Variants in NR5A2 observed in about 807,000 individuals in gnomAD.
NR5A2 encodes the protein nuclear receptor subfamily 5 group A member 2.
In NR5A2, 26 loss-of-function variants were observed where a neutral mutation model predicts 62.7. The ratio of observed to expected loss-of-function variants is 0.41; its 90% confidence interval spans 0.30 to 0.58. The LOEUF is 0.58. NR5A2 is among the 20% of genes least tolerant of loss of function. The probability of loss-of-function intolerance (pLI) is 0.22; values close to 1 mark genes in which losing one functional copy is unlikely to be tolerated. For synonymous variants in NR5A2, 246 were observed against 241.7 expected, an observed-to-expected ratio of 1.02 and a Z score of -0.16; for missense variants, 541 against 669.1, an observed-to-expected ratio of 0.81 and a Z score of 2.11.
Position 200,062,257 on chromosome 1 carries a change from G to GTGTGTGTGTA in NR5A2, c.1110+13440_1110+13441insGTGTGTGTAT, listed in dbSNP as rs1490926111. Among the ~76,000 whole-genome samples, 5 of 151,608 alleles carry GTGTGTGTGTA rather than the reference G, an allele frequency of 3.3e-5. No homozygotes were observed. In the East Asian group the frequency reaches 5.9e-4, roughly 18 times the overall value. ...TGTGTGTGTGTGTGTGTGTGTGTGT[G>GTGTGTGTGTA]TATCTGTGTCCATGTGTGTATCGCA... On this transcript the variant is annotated intron_variant, in intron 5 of 7. Transcript: ENST00000367362.
At chr1:200,078,332 G>A in intron 5 of NR5A2, among the ~76,000 whole-genome samples, 1 of 152,154 alleles carries the variant, frequency 6.6e-6, no homozygotes, top group East Asian at 1.9e-4. Flanking sequence ...GAACAGGAAA[G>A]GAATGAACTA....
At chr1:200,108,284 C>A (rs1665787741) in intron 5 of NR5A2, among the ~76,000 whole-genome samples, 2 of 151,614 alleles carry the variant, frequency 1.3e-5, no homozygotes, top group African/African-American at 4.9e-5. Flanking sequence ...CCCTATGTTG[C>A]CCAGTCTGGT....
chr1:200,165,348 T>C (rs756174911), intron 7 of NR5A2, among the ~76,000 whole-genome samples: 17 of 152,136 alleles, frequency 1.1e-4, no homozygotes, highest in Admixed American at 2.0e-4. Flanking sequence ...TGACACATCC[T>C]CATCACCCAA....
intron 5 of NR5A2, among the ~76,000 whole-genome samples, chr1:200,070,126 AG>A (rs1197558859): frequency 1.3e-5 from 2 of 152,156 alleles, no homozygotes; most frequent in East Asian, 3.9e-4. Flanking sequence ...GCAGGGTAGT[AG>A]TTTTGTATAC....
At chr1:200,043,234 T>C (rs1229458825) in intron 2 of NR5A2, among the ~76,000 whole-genome samples, 1 of 152,238 alleles carries the variant, frequency 6.6e-6, no homozygotes, top group Non-Finnish European at 1.5e-5. Context: ...TCAGGCTGTT[T>C]AGTTAAAGTG....
At chr1:200,097,279 C>T (rs995372766) in intron 5 of NR5A2, among the ~76,000 whole-genome samples, 1 of 152,100 alleles carries the variant, frequency 6.6e-6, no homozygotes, top group Non-Finnish European at 1.5e-5. Context: ...TTTATTGCCA[C>T]TCCTCCTCTC....
At position 200,048,010 on chromosome 1, in the gene NR5A2, AGAG is replaced by A. The variant is rs1662452725; in HGVS notation, c.464-159_464-157del. ...CTTGGAGGAAGGAATTCATAAATAAAGAGGACATGGTTTTTTGGGAAATCTTTG... is the reference window on the plus strand; with the variant it reads ...CTTGGAGGAAGGAATTCATAAATAAAGACATGGTTTTTTGGGAAATCTTTG... On this transcript the variant is annotated intron_variant, in intron 4 of 7. Coordinates refer to ENST00000367362, the MANE Select transcript of NR5A2 (RefSeq NM_205860.3). This position sits in a 1 kb window ranked among gnomAD's most constrained non-coding sequence, Gnocchi z 4.8. Among the ~76,000 whole-genome samples, 1 of 152,240 alleles carries A rather than the reference AGAG, an allele frequency of 6.6e-6. No homozygotes were observed. The highest frequency in any genetic ancestry group is 2.1e-4 in the South Asian group (1 of 4,830).
At chr1:200,135,723 A>G (rs548965848) in intron 7 of NR5A2, among the ~76,000 whole-genome samples, 1 of 152,204 alleles carries the variant, frequency 6.6e-6, no homozygotes, top group South Asian at 2.1e-4. Flanking sequence ...AATAATAATG[A>G]TCTACCTGAA....
At chr1:200,159,112 A>G (rs1653519009) in intron 7 of NR5A2, among the ~76,000 whole-genome samples, 1 of 151,908 alleles carries the variant, frequency 6.6e-6, no homozygotes, top group Non-Finnish European at 1.5e-5. Flanking sequence ...ACTGGTCTCC[A>G]ACTCCTGGCC....
At chr1:200,035,332 G>A (rs1661728584) in intron 1 of NR5A2, among the ~76,000 whole-genome samples, 1 of 152,116 alleles carries the variant, frequency 6.6e-6, no homozygotes, top group Non-Finnish European at 1.5e-5. Context: ...AGTTTGGGTG[G>A]GTCATCTACC....
intron 5 of NR5A2, among the ~76,000 whole-genome samples, chr1:200,074,467 G>A (rs1663911383): frequency 6.6e-6 from 1 of 151,608 alleles, no homozygotes; most frequent in African/African-American, 2.4e-5. Context: ...GCCGGGTGCG[G>A]TGGGTCACGT....
At chr1:200,053,569 G>GCGCA (rs374944913) in intron 5 of NR5A2, among the ~76,000 whole-genome samples, 6,027 of 142,070 alleles carry the variant, frequency 0.042, 164 homozygotes, top group East Asian at 0.12. Context: ...GCATGCACAC[G>GCGCA]CACACACACA....
chr1:200,094,342 A>C (rs1664968002), intron 5 of NR5A2, among the ~76,000 whole-genome samples: 1 of 150,470 alleles, frequency 6.6e-6, no homozygotes, highest in Non-Finnish European at 1.5e-5. Flanking sequence ...GGGCTACCAC[A>C]CCTGCCTGAT....
At chr1:200,040,895 C>T (rs1441196977) in intron 2 of NR5A2, among the ~76,000 whole-genome samples, 1 of 152,220 alleles carries the variant, frequency 6.6e-6, no homozygotes, top group Non-Finnish European at 1.5e-5. Context: ...GGGTTGTGAT[C>T]CGTTACCCCA....
chr1:200,071,483 T>C (rs1287779982), intron 5 of NR5A2, among the ~76,000 whole-genome samples: 1 of 152,212 alleles, frequency 6.6e-6, no homozygotes, highest in African/African-American at 2.4e-5. Flanking sequence ...CCAAAATCTG[T>C]TGTTTCATTA....
intron 7 of NR5A2, among the ~76,000 whole-genome samples, chr1:200,132,836 C>T (rs1667024573): frequency 6.6e-6 from 1 of 152,190 alleles, no homozygotes; most frequent in Admixed American, 6.5e-5. Context: ...CTGTCCCTAA[C>T]ACCCACATCC....
intron 5 of NR5A2, among the ~76,000 whole-genome samples, chr1:200,085,740 A>G (rs1248334105): frequency 6.6e-6 from 1 of 152,104 alleles, no homozygotes; most frequent in Non-Finnish European, 1.5e-5. Flanking sequence ...CAAAACTGTG[A>G]ATCCCAATGC....
intron 7 of NR5A2, among the ~76,000 whole-genome samples, chr1:200,145,877 T>G (rs1667677850): frequency 6.6e-6 from 1 of 152,184 alleles, no homozygotes; most frequent in Non-Finnish European, 1.5e-5. Flanking sequence ...AGTTTATGCC[T>G]GAACATAAGG....
intron 3 of NR5A2, 94 bp from the exon 4 acceptor site, chr1:200,045,349 T>TG: frequency 8.9e-7 from 1 of 1,127,676 alleles, no homozygotes; most frequent in Non-Finnish European, 1.2e-6. Context: ...AATAGTGCAA[T>TG]GAGAGGATTT....
Sources: gnomAD v4.1 joint callset for allele counts (sites outside exome capture counted in the v4.1 genomes callset) on GRCh38, gnomAD v4.1.1 for gene constraint, Gnocchi (gnomAD v3.1) non-coding constraint, MANE v1.5 for transcripts, NCBI Gene and HGNC (gene_info 2026-07-23, HGNC 2026-07-21) for gene names.